PSMD12: variants seen among roughly 807,000 people sequenced by gnomAD.
PSMD12 encodes 26S proteasome non-ATPase regulatory subunit 12.
A neutral mutation model predicts 62.9 loss-of-function variants in PSMD12; 8 were observed. That is an observed-to-expected ratio of 0.13 (90% CI 0.07 to 0.23). The LOEUF (loss-of-function observed/expected upper bound fraction) is 0.23, where lower values mean the gene tolerates loss of function less well. Among genes scored for constraint, PSMD12 ranks in the 10% least tolerant of loss-of-function variants. The pLI, the probability that PSMD12 is intolerant of heterozygous loss-of-function variation, is 1.00. For synonymous variants in PSMD12, 173 were observed against 187.4 expected (o/e 0.92, Z 0.63); for missense variants, 424 against 550.2 (o/e 0.77, Z 2.29).
Position 67,357,545 on chromosome 17 carries a change from G to C in PSMD12, c.142C>G (p.Leu48Val). Residue 48 changes from leucine to valine, a missense_variant, in exon 2 of 11, where the codon CTC becomes GTC. Physicochemically the swap from Leu to Val is conservative, Grantham distance 32. Coordinates refer to ENST00000356126, the MANE Select transcript of PSMD12 (RefSeq NM_002816.5). ...GRLQEVIETL[L>V]SLEKQTRTAS... ...GTACGAGTCTGCTTTTCCAGAGAGA[G>C]AAGGGTTTCAATGACTTCTTGAAGT... is the stretch of plus-strand genomic sequence containing the variant. 2 of 1,613,838 alleles carry C rather than the reference G, an allele frequency of 1.2e-6. No individual in the cohort carries two copies. The highest frequency in any genetic ancestry group is 1.7e-6 in the Non-Finnish European group (2 of 1,179,786).
At chr17:67,359,670 A>G (rs2042111694) in intron 1 of PSMD12, among the ~76,000 whole-genome samples, 1 of 152,196 alleles carries the variant, frequency 6.6e-6, no homozygotes, top group Admixed American at 6.5e-5. Flanking sequence ...GGCACAGCAT[A>G]TATACTGCAT....
At chr17:67,356,805 G>C (rs1039756797) in intron 3 of PSMD12, among the ~76,000 whole-genome samples, 6 of 151,914 alleles carry the variant, frequency 3.9e-5, no homozygotes, top group African/African-American at 1.5e-4. Flanking sequence ...GAGCCCAGGA[G>C]TTTGAGACCA....
At chr17:67,343,974 G>GA (rs1328832507) in intron 9 of PSMD12, among the ~76,000 whole-genome samples, 1 of 152,178 alleles carries the variant, frequency 6.6e-6, no homozygotes, top group Non-Finnish European at 1.5e-5. Context: ...AAAGTGCTGG[G>GA]ATCACAGGTG....
In PSMD12 at chr17:67,341,017, G is replaced by C. The variant is rs769384127; in HGVS notation, c.1197C>G (p.Asn399Lys). 6.4e-7 allele frequency: 1 copy of C among 1,554,052 alleles called. No individual in the cohort carries two copies. Among genetic ancestry groups the C allele is most frequent in the South Asian group, 1.2e-5 (1 of 80,578 alleles). Residue 399 changes from asparagine to lysine, a missense_variant, in exon 11 of 11, where the codon AAC becomes AAG. Physicochemically the swap from Asn to Lys is moderately conservative, Grantham distance 94 (BLOSUM62 0). Coordinates refer to ENST00000356126, the MANE Select transcript of PSMD12 (RefSeq NM_002816.5). ...TGTCTACTTTAGCAAAGATGGTCTTGTTAACTACTAGATTTGAGAGAAAGG... is the reference window on the plus strand; with the variant it reads ...TGTCTACTTTAGCAAAGATGGTCTTCTTAACTACTAGATTTGAGAGAAAGG... ...SEAFLSNLVV[N>K]KTIFAKVDRL...
chr17:67,354,979 G>C (rs184904035), intron 3 of PSMD12, among the ~76,000 whole-genome samples: 1 of 152,040 alleles, frequency 6.6e-6, no homozygotes, highest in Admixed American at 6.6e-5. Context: ...GACAGAGCAA[G>C]ACTGTCTCAA....
Position 67,348,620 on chromosome 17 carries a change from T to G in PSMD12, c.440A>C (p.Lys147Thr). ...TTGTTCTTTTATAGTTGCTAATGTT[T>G]TAGTCAGTCGCGCACGCTCAATTTC... is the stretch of plus-strand genomic sequence containing the variant. ...YVEIERARLT[K>T]TLATIKEQNG... The change falls in exon 5 of 11, where the codon AAA becomes ACA. Residue 147 changes from lysine to threonine, a missense_variant. Lys to Thr is a moderately conservative substitution (Grantham distance 78). Coordinates refer to ENST00000356126, the MANE Select transcript of PSMD12 (RefSeq NM_002816.5). 1 of 1,613,588 alleles carries G rather than the reference T, an allele frequency of 6.2e-7. No individual in the cohort carries two copies. Among genetic ancestry groups the G allele is most frequent in the Non-Finnish European group, 8.5e-7 (1 of 1,179,950 alleles).
At chr17:67,365,315 T>G (rs142381264) in intron 1 of PSMD12, among the ~76,000 whole-genome samples, 9 of 152,186 alleles carry the variant, frequency 5.9e-5, no homozygotes, top group African/African-American at 2.2e-4. Flanking sequence ...CTTCACCACT[T>G]TACTAGCTGT....
At chr17:67,341,094 TAC>T (rs2041910887) in intron 10 of PSMD12, 42 bp from the exon 11 acceptor site, 2 of 1,422,470 alleles carry the variant, frequency 1.4e-6, no homozygotes, top group Non-Finnish European at 1.9e-6. Flanking sequence ...CAGGATAAAT[TAC>T]AGACAATAAA....
At chr17:67,356,832 G>T (rs966445202) in intron 3 of PSMD12, among the ~76,000 whole-genome samples, 2 of 151,648 alleles carry the variant, frequency 1.3e-5, no homozygotes, top group Admixed American at 6.6e-5. Context: ...GTAATATAGT[G>T]AGACCTCATC....
Position 67,347,116 on chromosome 17 carries a change from C to A in PSMD12, c.795G>T (p.Gln265His). The A allele has an allele frequency of 6.3e-7, 1 of 1,590,490 alleles. No homozygotes were observed. Among genetic ancestry groups the A allele is most frequent in the African/African-American group, 1.3e-5 (1 of 74,110 alleles). ...CIQAESEKWQ[Q>H]ALKSVVLYVI... ...GTCAATTACACGAATATATTCTTAC[C>A]TGCTGCCATTTTTCACTTTCTGCCT... is the stretch of plus-strand genomic sequence containing the variant. The change falls in exon 7 of 11, where the codon CAG (glutamine) becomes CAT (histidine). Residue 265 changes from glutamine (Q) to histidine (H), a missense_variant and splice_region_variant. By Grantham distance (24) the Gln-to-His change is conservative. Coordinates refer to ENST00000356126, the MANE Select transcript of PSMD12 (RefSeq NM_002816.5).
intron 1 of PSMD12, among the ~76,000 whole-genome samples, chr17:67,360,578 C>T (rs530161971): frequency 4.4e-4 from 67 of 152,314 alleles, no homozygotes; most frequent in Middle Eastern, 3.4e-3. Context: ...CTGTTCATCA[C>T]TGCAGTTCAG....
At chr17:67,363,230 C>A (rs546416733) in intron 1 of PSMD12, among the ~76,000 whole-genome samples, 1 of 152,284 alleles carries the variant, frequency 6.6e-6, no homozygotes, top group African/African-American at 2.4e-5. Flanking sequence ...TAGCTCACTG[C>A]AACCTCGAAC....
chr17:67,362,585 C>T (rs983169637), intron 1 of PSMD12, among the ~76,000 whole-genome samples: 5 of 151,466 alleles, frequency 3.3e-5, no homozygotes, highest in African/African-American at 1.2e-4. Flanking sequence ...TTCCTTGAAC[C>T]CGGGAGATGG....
Position 67,365,701 on chromosome 17 carries a change from T to C in PSMD12, c.108+711A>G, listed in dbSNP as rs78328740. ...CCCGTTAAACTCTTATAGTGCCTACTTGTCTTTACTTCTGTAGTTCCGTCT... is the reference window on the plus strand; with the variant it reads ...CCCGTTAAACTCTTATAGTGCCTACCTGTCTTTACTTCTGTAGTTCCGTCT... On this transcript the variant is annotated intron_variant, in intron 1 of 10. Transcript: ENST00000356126. 9.7e-4 allele frequency among the ~76,000 whole-genome samples: 148 copies of C among 152,334 alleles called. 3 individuals are homozygous for C. In the East Asian group the frequency reaches 0.016, roughly 16 times the overall value.
intron 1 of PSMD12, among the ~76,000 whole-genome samples, chr17:67,362,463 A>G (rs1410132811): frequency 6.6e-6 from 1 of 152,038 alleles, no homozygotes; most frequent in Non-Finnish European, 1.5e-5. Context: ...TCACAACATC[A>G]AGAGTTTGAG....
chr17:67,364,298 C>T (rs2042160195), intron 1 of PSMD12, among the ~76,000 whole-genome samples: 2 of 151,588 alleles, frequency 1.3e-5, no homozygotes, highest in South Asian at 4.2e-4. Flanking sequence ...TTTTTAAACA[C>T]TTCTGTTACC....
At chr17:67,350,514 C>T (rs913566984) in intron 3 of PSMD12, among the ~76,000 whole-genome samples, 178 bp from the exon 4 acceptor site, 1 of 152,108 alleles carries the variant, frequency 6.6e-6, no homozygotes, top group Non-Finnish European at 1.5e-5. Flanking sequence ...CCGAGTACCC[C>T]GTAACAAGTC....
At chr17:67,358,514 G>A (rs1053313615) in intron 1 of PSMD12, among the ~76,000 whole-genome samples, 2 of 128,568 alleles carry the variant, frequency 1.6e-5, no homozygotes, top group Admixed American at 9.7e-5. Flanking sequence ...GCTGCAGTAA[G>A]CCAAGATCGC....
chr17:67,357,637 T>C, intron 1 of PSMD12, 59 bp from the exon 2 acceptor site: 1 of 1,513,844 alleles, frequency 6.6e-7, no homozygotes, highest in Non-Finnish European at 9.2e-7. Context: ...ATAACTAGTC[T>C]AAAATGAAAT....
Sources: gnomAD v4.1 joint callset for allele counts (sites outside exome capture counted in the v4.1 genomes callset) on GRCh38, gnomAD v4.1.1 for gene constraint, MANE v1.5 for transcripts, NCBI Gene and HGNC (gene_info 2026-07-23, HGNC 2026-07-21) for gene names.